The following HIVEP2 variants were observed in gnomAD, a reference collection of about 807,000 sequenced individuals.
HIVEP2 encodes HIVEP zinc finger 2, also known as transcription factor HIVEP2.
HIVEP2 carries 14 observed loss-of-function variants against 180.7 expected under a neutral mutation model. That is an observed-to-expected ratio of 0.08 (90% CI 0.05 to 0.12). The LOEUF (loss-of-function observed/expected upper bound fraction) is 0.12. Among genes scored for constraint, HIVEP2 ranks in the 10% least tolerant of loss-of-function variants. The pLI, the probability that HIVEP2 is intolerant of heterozygous loss-of-function variation, is 1.00. For missense variants in HIVEP2, 2,579 were observed against 3,008.5 expected, an observed-to-expected ratio of 0.86 and a Z score of 3.34; for synonymous variants, 1,184 against 1,136.4, an observed-to-expected ratio of 1.04 and a Z score of -0.84.
chr6:142,759,302 C>CA (rs201867045), intron 9 of HIVEP2, among the ~76,000 whole-genome samples: 22,896 of 150,526 alleles, frequency 0.15, 1,919 homozygotes, highest in Middle Eastern at 0.2. Flanking sequence ...GACCCTGTCT[C>CA]AAAAAAAATA....
rs1778287239 is a variant in HIVEP2 at position 142,945,063 on chromosome 6, G to T, written c.-641+36C>A. On this transcript the variant is annotated intron_variant, in intron 1 of 9. Coordinates refer to ENST00000367603, the MANE Select transcript of HIVEP2 (RefSeq NM_006734.4). This position sits in a 1 kb window ranked among gnomAD's most constrained non-coding sequence, Gnocchi z 5.5. ...CCTCGCGCCGCCAGCCCGCCCGGCC[G>T]CCTGCGCCGCGCGCCGCGGCCCCCT... is the stretch of plus-strand genomic sequence containing the variant. 6.8e-6 allele frequency: 1 copy of T among 146,278 alleles called. No homozygotes were observed. Among genetic ancestry groups the T allele is most frequent in the African/African-American group, 2.4e-5 (1 of 40,824 alleles). The allele number at this position is 146,278 out of a possible 1,614,324, so 9.1% of individuals were successfully genotyped here. A position where few individuals can be genotyped will look rare whatever the true frequency, so the allele number is the denominator to read the frequency against.
Position 142,760,453 on chromosome 6 carries a change from G to A in HIVEP2, c.5835C>T (p.Ser1945=). The A allele has an allele frequency of 1.2e-6, 2 of 1,614,190 alleles. No homozygotes were observed. The highest frequency in any genetic ancestry group is 1.7e-6 in the Non-Finnish European group (2 of 1,180,030). The stretch of plus-strand genomic sequence containing the variant: ...GTACGGCGCCAACATTCACAGGCAA[G>A]GAGGAGAATCTAGGAGGCTGAGGAC... ...STSPQPPRFS[S]LPVNVGAVPH... is the part of the protein sequence containing the mutation. Residue 1945 remains serine, a synonymous_variant, in exon 9 of 10, where the codon TCC becomes TCT. Coordinates refer to ENST00000367603, the MANE Select transcript of HIVEP2 (RefSeq NM_006734.4).
At chr6:142,781,449 G>T (rs1457803880) in intron 3 of HIVEP2, among the ~76,000 whole-genome samples, 1 of 152,124 alleles carries the variant, frequency 6.6e-6, no homozygotes, top group Non-Finnish European at 1.5e-5. Flanking sequence ...GCTATGAAAG[G>T]AGTAAGATAA....
At chr6:142,920,897 C>A (rs1777667632) in intron 1 of HIVEP2, among the ~76,000 whole-genome samples, 1 of 152,078 alleles carries the variant, frequency 6.6e-6, no homozygotes. Flanking sequence ...GTAGGAGGAT[C>A]CTGTGAGCCC....
rs1330118854 is a variant in HIVEP2, at chr6:142,753,926, T to A, written c.6522A>T (p.Leu2174Phe). ...AAGGAACCTGAGGTAATCCTCTTCT[T>A]AAATTCTGCGCAGAGAAACAAAGAG... is the stretch of plus-strand genomic sequence containing the variant. ...AEPIVLGPPN[L>F]RRGLPQVPYF... Residue 2174 changes from leucine to phenylalanine, a missense_variant, in exon 10 of 10, where the codon TTA becomes TTT. This residue lies in a region of HIVEP2 where 660 missense variants were observed against 731.7 expected (regional missense o/e 0.90). Transcript: ENST00000367603. 2 of 1,562,948 alleles carry A rather than the reference T, an allele frequency of 1.3e-6. No individual in the cohort carries two copies. Among genetic ancestry groups the A allele is most frequent in the Non-Finnish European group, 1.7e-6 (2 of 1,144,260 alleles).
chr6:142,816,448 T>C (rs970165405), intron 2 of HIVEP2, among the ~76,000 whole-genome samples: 1 of 152,156 alleles, frequency 6.6e-6, no homozygotes, highest in African/African-American at 2.4e-5. Context: ...CTATTTCAAC[T>C]ACGACCACCT....
intron 1 of HIVEP2, among the ~76,000 whole-genome samples, chr6:142,844,565 G>A (rs1171575196): frequency 6.6e-6 from 1 of 152,096 alleles, no homozygotes; most frequent in African/African-American, 2.4e-5. Context: ...TACTGTCCGA[G>A]GTATGTTTCT....
chr6:142,873,603 C>A (rs1370666209), intron 1 of HIVEP2, among the ~76,000 whole-genome samples: 2 of 152,128 alleles, frequency 1.3e-5, no homozygotes, highest in African/African-American at 4.8e-5. Flanking sequence ...TTTGAGCACA[C>A]ATTTTCCAGC....
At chr6:142,812,235 G>A (rs112189910) in intron 2 of HIVEP2, among the ~76,000 whole-genome samples, 13 of 152,306 alleles carry the variant, frequency 8.5e-5, no homozygotes, top group Non-Finnish European at 1.3e-4. Flanking sequence ...TGATCAGCAC[G>A]TGAGGAAACT....
In HIVEP2 at chr6:142,824,302, G is replaced by T. The variant is rs1457616127; in HGVS notation, c.-528+12633C>A. On this transcript the variant is annotated intron_variant, in intron 2 of 9. Transcript: ENST00000367603. ...ATGACCCATATAAAATTCACTAACA[G>T]GACATTAGAAATTATTTATTTAATA... Among the ~76,000 whole-genome samples, 4 of 152,132 alleles carry T rather than the reference G, an allele frequency of 2.6e-5. No homozygotes were observed. The East Asian group carries it at 7.7e-4, about 29-fold the overall frequency.
At chr6:142,841,266 C>T (rs1433672922) in intron 1 of HIVEP2, among the ~76,000 whole-genome samples, 1 of 152,038 alleles carries the variant, frequency 6.6e-6, no homozygotes, top group Non-Finnish European at 1.5e-5. Context: ...GTTTTCCTTC[C>T]TCACACATCT....
rs1778235107 is a variant in HIVEP2, at chr6:142,943,827, T to G, written c.-641+1272A>C. 6.6e-6 allele frequency among the ~76,000 whole-genome samples: 1 copy of G among 152,214 alleles called. No individual in the cohort carries two copies. The highest frequency in any genetic ancestry group is 1.9e-4 in the East Asian group (1 of 5,204). On this transcript the variant is annotated intron_variant, in intron 1 of 9. Transcript: ENST00000367603. This position sits in a 1 kb window ranked among gnomAD's most constrained non-coding sequence, Gnocchi z 4.5. ...CACACACAACTTCCTGTGTGAATGCTAAGCCATTACAGGTGTCCTAAGGCC... is the reference window on the plus strand; with the variant it reads ...CACACACAACTTCCTGTGTGAATGCGAAGCCATTACAGGTGTCCTAAGGCC...
chr6:142,906,215 A>G (rs1777261488), intron 1 of HIVEP2, among the ~76,000 whole-genome samples: 1 of 152,218 alleles, frequency 6.6e-6, no homozygotes, highest in Non-Finnish European at 1.5e-5. Context: ...GAAGGCATTC[A>G]TGAAAAACTA....
intron 1 of HIVEP2, among the ~76,000 whole-genome samples, chr6:142,923,955 G>A (rs1171996742): frequency 6.6e-6 from 1 of 152,216 alleles, no homozygotes; most frequent in African/African-American, 2.4e-5. Context: ...AAGGCCGAGG[G>A]TTAAGTGCTA....
chr6:142,904,850 T>C (rs865954358), intron 1 of HIVEP2, among the ~76,000 whole-genome samples: 5 of 152,184 alleles, frequency 3.3e-5, no homozygotes, highest in Non-Finnish European at 7.4e-5. Flanking sequence ...TTCAATTTGT[T>C]ATCCTCACAC....
Position 142,772,315 on chromosome 6 carries a change from C to A in HIVEP2, c.2424G>T (p.Leu808=), listed in dbSNP as rs954206507. The A allele has an allele frequency of 6.2e-7, 1 of 1,614,226 alleles. No homozygotes were observed. The highest frequency in any genetic ancestry group is 8.5e-7 in the Non-Finnish European group (1 of 1,180,040). Residue 808 remains leucine (L), a synonymous_variant, in exon 5 of 10, where the codon CTG becomes CTT. Transcript: ENST00000367603. This position sits in a 1 kb window ranked among gnomAD's most constrained non-coding sequence, Gnocchi z 4.9. ...VISVIQHTNS[L]SRPNSFERSE... is the part of the protein sequence containing the mutation. ...ACCTTTCAAATGAATTGGGTCGGCT[C>A]AGTGAGTTGGTGTGCTGAATCACAG...
intron 3 of HIVEP2, among the ~76,000 whole-genome samples, chr6:142,782,944 A>C (rs1437419884): frequency 6.6e-6 from 1 of 152,224 alleles, no homozygotes; most frequent in Non-Finnish European, 1.5e-5. Context: ...TATACAGCAA[A>C]AGTTATTAGG....
At chr6:142,833,197 C>T (rs1412427798) in intron 2 of HIVEP2, among the ~76,000 whole-genome samples, 1 of 152,164 alleles carries the variant, frequency 6.6e-6, no homozygotes, top group Non-Finnish European at 1.5e-5. Flanking sequence ...CACCATGAAG[C>T]CTCCGGTCCC....
chr6:142,843,169 C>T (rs919382519), intron 1 of HIVEP2, among the ~76,000 whole-genome samples: 1 of 152,248 alleles, frequency 6.6e-6, no homozygotes, highest in East Asian at 1.9e-4. Context: ...CGAAAGTCTA[C>T]GTGGAACCCC....
Sources: allele counts gnomAD v4.1 joint callset (sites outside exome capture counted in the v4.1 genomes callset), GRCh38; gene constraint gnomAD v4.1.1; regional missense constraint gnomAD v4.1.1; non-coding constraint Gnocchi (gnomAD v3.1); transcripts MANE v1.5; gene names NCBI Gene and HGNC (gene_info 2026-07-23, HGNC 2026-07-21).